Variants in DPH6 observed in about 807,000 individuals in gnomAD.
The protein encoded by DPH6 is diphthamine biosynthesis 6.
A neutral mutation model predicts 38.2 loss-of-function variants in DPH6; 33 were observed. That is an observed-to-expected ratio of 0.86 (90% CI 0.65 to 1.15). The LOEUF is 1.15. Among genes scored for constraint, DPH6 ranks in the 50% most tolerant of loss-of-function variants. The pLI, the probability that DPH6 is intolerant of heterozygous loss-of-function variation, is 0.00. For synonymous variants in DPH6, 108 were observed against 103.0 expected, an observed-to-expected ratio of 1.05 and a Z score of -0.30; for missense variants, 325 against 320.0, an observed-to-expected ratio of 1.02 and a Z score of -0.12.
intron 3 of DPH6, among the ~76,000 whole-genome samples, chr15:35,236,318 T>C (rs1412282174): frequency 6.6e-6 from 1 of 152,206 alleles, no homozygotes; most frequent in Non-Finnish European, 1.5e-5. Flanking sequence ...TAAAGGAATT[T>C]GCCTTATTGT....
chr15:35,433,542 T>A (rs1393305879), intron 5 of DPH6, among the ~76,000 whole-genome samples: 1 of 152,196 alleles, frequency 6.6e-6, no homozygotes, highest in Non-Finnish European at 1.5e-5. Flanking sequence ...TTAGGTTTTG[T>A]AGGCAAAATT....
intron 3 of DPH6, among the ~76,000 whole-genome samples, chr15:35,533,062 G>A (rs1004949418): frequency 5.9e-5 from 9 of 151,270 alleles, no homozygotes; most frequent in African/African-American, 2.2e-4. Context: ...AGCTGAGATC[G>A]TGCCATTGTG....
chr15:35,319,533 G>A (rs1171326691), intron 3 of DPH6, among the ~76,000 whole-genome samples: 2 of 152,230 alleles, frequency 1.3e-5, no homozygotes, highest in East Asian at 1.9e-4. Context: ...CTGAGGCCTG[G>A]AGTTCAAGAC....
intron 3 of DPH6, among the ~76,000 whole-genome samples, chr15:35,470,648 A>C (rs986187303): frequency 1.3e-4 from 20 of 152,340 alleles, no homozygotes; most frequent in African/African-American, 4.8e-4. Context: ...GCACCACTAC[A>C]GACAGAATTT....
At chr15:35,536,341 G>A (rs138831429) in intron 3 of DPH6, among the ~76,000 whole-genome samples, 40 of 151,900 alleles carry the variant, frequency 2.6e-4, no homozygotes, top group African/African-American at 9.4e-4. Context: ...TTTCTACACA[G>A]GAAAAGAAGG....
chr15:35,546,063 T>C, intron 1 of DPH6, 56 bp downstream of exon 1: 1 of 1,315,122 alleles, frequency 7.6e-7, no homozygotes, highest in African/African-American at 1.5e-5. Context: ...TAGCGGCGGC[T>C]GGAAGGGACG....
intron 3 of DPH6, among the ~76,000 whole-genome samples, chr15:35,268,042 C>T (rs1422284142): frequency 2.6e-5 from 4 of 151,982 alleles, no homozygotes; most frequent in East Asian, 1.9e-4. Context: ...TGGTGGCAGG[C>T]GCCTGTAGTC....
the DPH6 span, among the ~76,000 whole-genome samples, chr15:35,168,615 G>A: frequency 1.3e-5 from 2 of 151,888 alleles, no homozygotes; most frequent in African/African-American, 2.4e-5. Context: ...TTAGTATAAC[G>A]CACAGCTCAG....
intron 3 of DPH6, among the ~76,000 whole-genome samples, chr15:35,299,958 C>A (rs1354298649): frequency 2.0e-5 from 3 of 152,182 alleles, no homozygotes; most frequent in African/African-American, 7.2e-5. Context: ...GGCTGGATAG[C>A]CGATTTAACA....
At chr15:35,158,035 G>A in the DPH6 span, among the ~76,000 whole-genome samples, 1 of 151,910 alleles carries the variant, frequency 6.6e-6, no homozygotes, top group Non-Finnish European at 1.5e-5. Context: ...TAGAATCCCT[G>A]GGTAATACTT....
rs566745735 is a variant in DPH6, at chr15:35,222,891, G to C, written n.201-2309C>G. Among the ~76,000 whole-genome samples, 43 of 152,262 alleles carry C rather than the reference G, an allele frequency of 2.8e-4. No individual in the cohort carries two copies. In the South Asian group the frequency reaches 8.5e-3, roughly 30 times the overall value. On this transcript the variant is annotated intron_variant and non_coding_transcript_variant, in intron 3 of 3. Transcript: ENST00000560386. ...TGTGGGCAAATTGTGAGGCAGGTAAGTAGCTTTTTAATCTTCGTAGCTATC... is the reference window on the plus strand; with the variant it reads ...TGTGGGCAAATTGTGAGGCAGGTAACTAGCTTTTTAATCTTCGTAGCTATC...
At chr15:35,313,886 A>G (rs1422304937) in intron 3 of DPH6, among the ~76,000 whole-genome samples, 2 of 152,140 alleles carry the variant, frequency 1.3e-5, no homozygotes, top group Non-Finnish European at 1.5e-5. Context: ...TTGTCTGGGC[A>G]AGTATTTATT....
chr15:35,497,311 TGAA>T (rs2054570814), intron 3 of DPH6, among the ~76,000 whole-genome samples: 1 of 152,194 alleles, frequency 6.6e-6, no homozygotes, highest in South Asian at 2.1e-4. Context: ...TGGGTATTAG[TGAA>T]CTTATTTTTA....
chr15:35,426,107 A>G (rs2053567592), intron 5 of DPH6, among the ~76,000 whole-genome samples: 1 of 151,386 alleles, frequency 6.6e-6, no homozygotes, highest in Non-Finnish European at 1.5e-5. Flanking sequence ...CGAAATTTGT[A>G]TTTAACTCTT....
intron 3 of DPH6, among the ~76,000 whole-genome samples, chr15:35,360,894 T>C (rs571462114): frequency 3.2e-4 from 49 of 152,162 alleles, no homozygotes; most frequent in Non-Finnish European, 6.5e-4. Flanking sequence ...GGCCTGCCAC[T>C]GGAGGAATGA....
the DPH6 span, among the ~76,000 whole-genome samples, chr15:35,208,200 C>G: frequency 6.6e-6 from 1 of 151,876 alleles, no homozygotes; most frequent in African/African-American, 2.4e-5. Flanking sequence ...AAACGAAGTC[C>G]CTGGAGGTGG....
chr15:35,522,971 T>C (rs771362787), intron 3 of DPH6, among the ~76,000 whole-genome samples: 2 of 152,114 alleles, frequency 1.3e-5, no homozygotes, highest in Admixed American at 6.6e-5. Flanking sequence ...TGTATAGATA[T>C]GTCATAATTT....
chr15:35,542,269 T>C, intron 2 of DPH6, 144 bp downstream of exon 2: 1 of 591,910 alleles, frequency 1.7e-6, no homozygotes, highest in East Asian at 2.7e-5. Flanking sequence ...AATGCTAAGT[T>C]CTAGGTGGAA....
intron 1 of DPH6, among the ~76,000 whole-genome samples, chr15:35,542,906 C>T (rs2055276844): frequency 8.7e-6 from 1 of 115,324 alleles, no homozygotes; most frequent in South Asian, 2.9e-4. Flanking sequence ...TATTATTCCA[C>T]TTAAGGAATA....
Sources: allele counts gnomAD v4.1 joint callset (sites outside exome capture counted in the v4.1 genomes callset), GRCh38; gene constraint gnomAD v4.1.1; transcripts MANE v1.5; gene names NCBI Gene and HGNC (gene_info 2026-07-23, HGNC 2026-07-21).